SPAG16: variants seen among roughly 807,000 people sequenced by gnomAD.
SPAG16 encodes sperm-associated antigen 16 protein.
SPAG16 carries 86 observed loss-of-function variants against 80.4 expected under a neutral mutation model. The ratio of observed to expected loss-of-function variants is 1.07; its 90% confidence interval spans 0.90 to 1.28. SPAG16 has a LOEUF of 1.28. SPAG16 is among the 50% of genes most tolerant of loss of function. The pLI is 0.00. For missense variants in SPAG16, 870 were observed against 765.3 expected, an observed-to-expected ratio of 1.14 and a Z score of -1.61; for synonymous variants, 294 against 265.9, an observed-to-expected ratio of 1.11 and a Z score of -1.03.
chr2:214,219,728 T>C (rs111797883), intron 15 of SPAG16, among the ~76,000 whole-genome samples: 3,318 of 152,208 alleles, frequency 0.022, 73 homozygotes, highest in African/African-American at 0.055. Flanking sequence ...TCTTAGAAAA[T>C]GTCCCTTCTA....
intron 10 of SPAG16, among the ~76,000 whole-genome samples, chr2:213,789,290 G>A (rs1448267205): frequency 1.3e-5 from 2 of 151,924 alleles, no homozygotes; most frequent in East Asian, 1.9e-4. Context: ...TTGACAGTTA[G>A]TGTGGGTCTT....
intron 14 of SPAG16, among the ~76,000 whole-genome samples, chr2:214,116,759 C>A (rs537238917): frequency 6.6e-6 from 1 of 152,322 alleles, no homozygotes; most frequent in African/African-American, 2.4e-5. Context: ...ATCCTTGGAA[C>A]CTTTGTGAGA....
At chr2:213,527,533 T>G (rs1218434868) in intron 10 of SPAG16, among the ~76,000 whole-genome samples, 1 of 152,232 alleles carries the variant, frequency 6.6e-6, no homozygotes, top group Non-Finnish European at 1.5e-5. Context: ...TAATAATTTC[T>G]GCCTTTTTGC....
chr2:214,028,624 A>G (rs764109334), intron 13 of SPAG16, among the ~76,000 whole-genome samples: 1 of 152,106 alleles, frequency 6.6e-6, no homozygotes, highest in Non-Finnish European at 1.5e-5. Context: ...ATAAAATTTT[A>G]AAGGATATTT....
chr2:213,312,640 C>T (rs960189793), intron 4 of SPAG16, among the ~76,000 whole-genome samples: 9 of 151,492 alleles, frequency 5.9e-5, no homozygotes, highest in African/African-American at 1.2e-4. Context: ...TTGGCCTATT[C>T]GCACCATTTC....
chr2:213,466,917 A>C (rs1271428330), intron 9 of SPAG16, among the ~76,000 whole-genome samples: 1 of 152,176 alleles, frequency 6.6e-6, no homozygotes, highest in Non-Finnish European at 1.5e-5. Flanking sequence ...ATGCAAACAA[A>C]TATTGAGAGG....
intron 10 of SPAG16, among the ~76,000 whole-genome samples, chr2:213,742,778 C>T (rs1458077617): frequency 1.3e-5 from 2 of 151,716 alleles, no homozygotes; most frequent in Non-Finnish European, 2.9e-5. Flanking sequence ...GTCCTGAACC[C>T]CTGACCTCAG....
intron 10 of SPAG16, among the ~76,000 whole-genome samples, chr2:213,579,996 G>A (rs1258393030): frequency 6.6e-6 from 1 of 152,040 alleles, no homozygotes; most frequent in Non-Finnish European, 1.5e-5. Context: ...CCCAAATATG[G>A]CACCTTGCCA....
chr2:213,893,752 T>A (rs546408730), intron 11 of SPAG16, among the ~76,000 whole-genome samples: 1 of 151,680 alleles, frequency 6.6e-6, no homozygotes, highest in Admixed American at 6.6e-5. Flanking sequence ...ATAGATAAAG[T>A]AAAAATAAAA....
rs567595023 is a variant in SPAG16 at position 213,559,176 on chromosome 2, C to A, written c.1070+69086C>A. The stretch of plus-strand genomic sequence containing the variant: ...CAATTATGAGTGCTAGTTTTCTATG[C>A]CTGTCTCTTCTAAAGCAAAATAACA... On this transcript the variant is annotated intron_variant, in intron 10 of 15. Coordinates refer to ENST00000331683, the MANE Select transcript of SPAG16 (RefSeq NM_024532.5). 4.6e-5 allele frequency among the ~76,000 whole-genome samples: 7 copies of A among 152,154 alleles called. No homozygotes were observed. The South Asian group carries it at 1.5e-3, about 32-fold the overall frequency.
chr2:213,369,452 A>G (rs1451861389), intron 8 of SPAG16, among the ~76,000 whole-genome samples: 1 of 152,214 alleles, frequency 6.6e-6, no homozygotes, highest in East Asian at 1.9e-4. Flanking sequence ...AATGTTTTAT[A>G]TCTTAATTTT....
At chr2:213,759,310 T>G (rs973957715) in intron 10 of SPAG16, among the ~76,000 whole-genome samples, 1 of 151,230 alleles carries the variant, frequency 6.6e-6, no homozygotes, top group African/African-American at 2.4e-5. Context: ...CTTTTCGTGT[T>G]CTACATGCTT....
chr2:213,849,998 T>C (rs2074822271), intron 10 of SPAG16, among the ~76,000 whole-genome samples: 1 of 152,196 alleles, frequency 6.6e-6, no homozygotes, highest in African/African-American at 2.4e-5. Flanking sequence ...TATAAAACTA[T>C]GTAGCATAAA....
At chr2:213,417,738 C>T (rs1269209624) in intron 9 of SPAG16, among the ~76,000 whole-genome samples, 1 of 152,086 alleles carries the variant, frequency 6.6e-6, no homozygotes, top group Non-Finnish European at 1.5e-5. Flanking sequence ...AATTTAGAAA[C>T]TTACCTTTTT....
At chr2:214,193,275 A>G (rs1414317697) in intron 15 of SPAG16, among the ~76,000 whole-genome samples, 1 of 152,014 alleles carries the variant, frequency 6.6e-6, no homozygotes, top group African/African-American at 2.4e-5. Context: ...GACCAGAGAA[A>G]GGGAACTGGG....
chr2:214,065,908 C>T (rs896281294), intron 13 of SPAG16, among the ~76,000 whole-genome samples: 1 of 152,102 alleles, frequency 6.6e-6, no homozygotes. Context: ...ACTTTGTCAA[C>T]CACAAAATAT....
At chr2:213,912,053 C>G (rs1019805551) in intron 11 of SPAG16, among the ~76,000 whole-genome samples, 2 of 152,030 alleles carry the variant, frequency 1.3e-5, no homozygotes, top group African/African-American at 2.4e-5. Context: ...CTAGGTTATT[C>G]TGTAAACTGT....
At chr2:214,243,489 C>T (rs1300870328) in intron 15 of SPAG16, among the ~76,000 whole-genome samples, 1 of 151,832 alleles carries the variant, frequency 6.6e-6, no homozygotes, top group Non-Finnish European at 1.5e-5. Flanking sequence ...TAATTAATCT[C>T]ATATATTGAT....
At position 213,715,236 on chromosome 2, in the gene SPAG16, C is replaced by CTATT. The variant is rs1181387710; in HGVS notation, c.1071-147246_1071-147245insTTAT. ...TAGATCTATCTGTCTATCTATCTAT[C>CTATT]TATCTATCTATCTATCTATCTATCT... On this transcript the variant is annotated intron_variant, in intron 10 of 15. Coordinates refer to ENST00000331683, the MANE Select transcript of SPAG16 (RefSeq NM_024532.5). Among the ~76,000 whole-genome samples, 13 of 144,954 alleles carry CTATT rather than the reference C, an allele frequency of 9.0e-5. 1 individual carries two copies. The highest frequency in any genetic ancestry group is 3.5e-3 in the Middle Eastern group (1 of 282).
Sources: gnomAD v4.1 joint callset for allele counts (sites outside exome capture counted in the v4.1 genomes callset) on GRCh38, gnomAD v4.1.1 for gene constraint, MANE v1.5 for transcripts, NCBI Gene and HGNC (gene_info 2026-07-23, HGNC 2026-07-21) for gene names.